The following PTGR3 variants were observed in gnomAD, a reference collection of about 807,000 sequenced individuals.
PTGR3 encodes the protein prostaglandin reductase 3, also known as zinc binding alcohol dehydrogenase domain containing 2.
At chr18:75,201,324 C>G in the PTGR3 span, 1 of 1,112,352 alleles carries the variant, frequency 9.0e-7, no homozygotes, top group Non-Finnish European at 1.3e-6. Flanking sequence ...AATATTATAT[C>G]CATTACCAAC....
the PTGR3 span, chr18:75,201,485 A>G: frequency 6.2e-7 from 1 of 1,614,198 alleles, no homozygotes; most frequent in Non-Finnish European, 8.5e-7. Context: ...CCATGTACAT[A>G]TAATTGACAG....
the PTGR3 span, chr18:75,202,447 A>G: frequency 2.0e-6 from 2 of 983,086 alleles, no homozygotes; most frequent in Non-Finnish European, 3.0e-6. Flanking sequence ...AGGGGTTGCT[A>G]AGCTATACAA....
the PTGR3 span, chr18:75,208,910 G>A: frequency 6.3e-7 from 1 of 1,576,644 alleles, no homozygotes; most frequent in South Asian, 1.2e-5. Flanking sequence ...CCGGCTCAGG[G>A]TGACGGCCTC....
the PTGR3 span, chr18:75,202,308 T>C: frequency 1.2e-6 from 2 of 1,613,564 alleles, no homozygotes; most frequent in African/African-American, 2.7e-5. Context: ...GCCTGCTGAA[T>C]AGTTGATGTC....
At chr18:75,199,911 T>C in the PTGR3 span, 3 of 152,606 alleles carry the variant, frequency 2.0e-5, no homozygotes, top group African/African-American at 7.2e-5. Flanking sequence ...ATAAATTGTA[T>C]TGTTGTGCAT....
the PTGR3 span, chr18:75,209,002 G>C: frequency 6.3e-7 from 1 of 1,591,130 alleles, no homozygotes; most frequent in Non-Finnish European, 8.5e-7. This position sits in a 1 kb window ranked among gnomAD's most constrained non-coding sequence, Gnocchi z 4.7. Context: ...CCAGGAAGTG[G>C]CGGGCGTACG....
the PTGR3 span, chr18:75,208,416 T>C: frequency 1.0e-6 from 1 of 990,298 alleles, no homozygotes; most frequent in African/African-American, 1.7e-5. Context: ...CGAAGCACGT[T>C]TACCTAAACG....
the PTGR3 span, chr18:75,201,855 A>T: frequency 6.2e-7 from 1 of 1,614,184 alleles, no homozygotes; most frequent in Non-Finnish European, 8.5e-7. Context: ...CTGCTTAAGG[A>T]CGGTACCTAC....
chr18:75,205,204 G>A, the PTGR3 span: 2 of 985,398 alleles, frequency 2.0e-6, no homozygotes, highest in East Asian at 1.1e-4. Flanking sequence ...TCTGCGTGAG[G>A]GTCCGCAGCT....
chr18:75,207,990 A>T, the PTGR3 span, among the ~76,000 whole-genome samples: 1 of 152,180 alleles, frequency 6.6e-6, no homozygotes, highest in African/African-American at 2.4e-5. Flanking sequence ...GCAGCCAGGG[A>T]CCCACGGAGC....
At chr18:75,196,904 G>C in the PTGR3 span, 8 of 151,022 alleles carry the variant, frequency 5.3e-5, no homozygotes, top group Admixed American at 4.0e-4. Flanking sequence ...TACTCAGCCA[G>C]GGAAACAATT....
At chr18:75,201,326 A>G in the PTGR3 span, 1 of 1,166,500 alleles carries the variant, frequency 8.6e-7, no homozygotes. Context: ...TATTATATCC[A>G]TTACCAACTA....
At chr18:75,197,221 G>T in the PTGR3 span, 1 of 152,094 alleles carries the variant, frequency 6.6e-6, no homozygotes, top group African/African-American at 2.4e-5. Context: ...AGCAAACAGG[G>T]TGACTATAAG....
the PTGR3 span, chr18:75,205,540 T>C: frequency 2.1e-5 from 20 of 965,278 alleles, no homozygotes; most frequent in Non-Finnish European, 2.2e-5. Flanking sequence ...CACCAGCTTA[T>C]ATGTACTTAA....
chr18:75,207,544 C>T, the PTGR3 span, among the ~76,000 whole-genome samples: 1 of 152,160 alleles, frequency 6.6e-6, no homozygotes, highest in Non-Finnish European at 1.5e-5. Flanking sequence ...TCTGCTGTGT[C>T]CACAGCCAAT....
the PTGR3 span, chr18:75,205,140 C>A: frequency 6.1e-6 from 6 of 984,974 alleles, no homozygotes; most frequent in Non-Finnish European, 7.2e-6. Flanking sequence ...CGCGGCTTCG[C>A]CCCCGCGGCT....
At chr18:75,208,482 G>A in the PTGR3 span, 1 of 1,028,978 alleles carries the variant, frequency 9.7e-7, no homozygotes, top group Non-Finnish European at 1.2e-6. Context: ...GTCAACGCAG[G>A]AACTGTGGGT....
At chr18:75,196,768 G>A in the PTGR3 span, 1 of 152,004 alleles carries the variant, frequency 6.6e-6, no homozygotes, top group Non-Finnish European at 1.5e-5. Context: ...TGCTTCCTGA[G>A]GACAGTCAAG....
chr18:75,199,120 T>C, the PTGR3 span: 1 of 152,644 alleles, frequency 6.6e-6, no homozygotes, highest in African/African-American at 2.4e-5. Context: ...AGAGAGAACA[T>C]GAGGTTTTCA....
Sources: allele counts gnomAD v4.1 joint callset (sites outside exome capture counted in the v4.1 genomes callset), GRCh38; gene constraint gnomAD v4.1.1; non-coding constraint Gnocchi (gnomAD v3.1); transcripts MANE v1.5; gene names NCBI Gene and HGNC (gene_info 2026-07-23, HGNC 2026-07-21).